The following ADARB2 variants were observed in gnomAD, a reference collection of about 807,000 sequenced individuals.
ADARB2 encodes adenosine deaminase RNA specific B2 (inactive), also known as inactive double-stranded RNA-specific editase B2.
Under a neutral mutation model 62.2 loss-of-function variants are expected in ADARB2, and 25 were observed. The ratio of observed to expected loss-of-function variants is 0.40; its 90% CI spans 0.29 to 0.56. The LOEUF is 0.56. ADARB2 is among the 20% of genes least tolerant of loss of function. The pLI, the probability that ADARB2 is intolerant of heterozygous loss-of-function variation, is 0.43. For synonymous variants in ADARB2, 572 were observed against 500.8 expected (o/e 1.14, Z -1.90); for missense variants, 1,071 against 1,077.4 (o/e 0.99, Z 0.08).
intron 1 of ADARB2, among the ~76,000 whole-genome samples, chr10:1,418,196 T>C (rs1564284507): frequency 6.6e-6 from 1 of 152,296 alleles, no homozygotes; most frequent in East Asian, 1.9e-4. Flanking sequence ...TTTGTTAAAG[T>C]GTCCACAGAA....
intron 1 of ADARB2, among the ~76,000 whole-genome samples, chr10:1,581,959 C>T (rs1487801691): frequency 1.3e-5 from 2 of 152,090 alleles, no homozygotes; most frequent in South Asian, 2.1e-4. Context: ...ACCATCTCCT[C>T]CCCCAGAGGC....
rs377124298 is a variant in ADARB2, at chr10:1,647,571, G to A, written c.100+89480C>T. On this transcript the variant is annotated intron_variant, in intron 1 of 9. Transcript: ENST00000381312. ...TACATGTGTATATATATATCTGCAT[G>A]TATGTGTGTGTATAGTGTGTGTATA... is the stretch of plus-strand genomic sequence containing the variant. Among the ~76,000 whole-genome samples the A allele has an allele frequency of 5.3e-5, 8 of 152,028 alleles. No homozygotes were observed. The East Asian group carries it at 9.6e-4, about 18-fold the overall frequency.
rs111803540 is a variant in ADARB2 at position 1,246,617 on chromosome 10, T to C, written c.1193-4318A>G. ...GGAATCCTTTCCCCATTGCTTGTTTTTCTCAGGTTTGTCAAAGATCAGATA... is the reference window on the plus strand; with the variant it reads ...GGAATCCTTTCCCCATTGCTTGTTTCTCTCAGGTTTGTCAAAGATCAGATA... On this transcript the variant is annotated intron_variant, in intron 4 of 9. Coordinates refer to ENST00000381312, the MANE Select transcript of ADARB2 (RefSeq NM_018702.4). Among the ~76,000 whole-genome samples the C allele has an allele frequency of 6.3e-3, 546 of 86,848 alleles. 5 individuals carry two copies. Among genetic ancestry groups the C allele is most frequent in the Middle Eastern group, 0.017 (3 of 178 alleles). The allele number at this position is 86,848 out of a possible 152,430, so 57.0% of individuals were successfully genotyped here.
chr10:1,277,536 C>A (rs1371685484), intron 3 of ADARB2, among the ~76,000 whole-genome samples: 3 of 152,186 alleles, frequency 2.0e-5, no homozygotes, highest in Non-Finnish European at 4.4e-5. Flanking sequence ...CACATACACC[C>A]TCCCAAGACT....
intron 4 of ADARB2, among the ~76,000 whole-genome samples, chr10:1,267,005 TG>T (rs1293386948): frequency 3.7e-4 from 56 of 151,496 alleles, no homozygotes; most frequent in African/African-American, 1.3e-3. Context: ...ATTAATAGAG[TG>T]TTGCAAATTT....
chr10:1,304,400 A>G (rs1831606048), intron 3 of ADARB2, among the ~76,000 whole-genome samples: 1 of 150,464 alleles, frequency 6.6e-6, no homozygotes, highest in Non-Finnish European at 1.5e-5. Flanking sequence ...CTACAAAGAG[A>G]CTTAGACTCC....
chr10:1,660,051 A>G (rs1392825282), intron 1 of ADARB2, among the ~76,000 whole-genome samples: 7 of 151,256 alleles, frequency 4.6e-5, no homozygotes, highest in Non-Finnish European at 8.8e-5. Context: ...CTCTTCCTCC[A>G]TTGCCTGCCC....
chr10:1,692,408 T>C lies in ADARB2; in HGVS notation c.100+44643A>G, dbSNP rs564630934. 1.1e-4 allele frequency among the ~76,000 whole-genome samples: 17 copies of C among 152,130 alleles called. No individual in the cohort carries two copies. The South Asian group carries it at 3.5e-3, about 32-fold the overall frequency. ...TCACCGGGAGCCTGAGTCCATGGAG[T>C]CATCTGTTCTTGGGCCACTTTTAGA... On this transcript the variant is annotated intron_variant, in intron 1 of 9. Transcript: ENST00000381312.
At chr10:1,517,046 G>A (rs573168523) in intron 1 of ADARB2, among the ~76,000 whole-genome samples, 2 of 152,164 alleles carry the variant, frequency 1.3e-5, no homozygotes, top group East Asian at 1.9e-4. Flanking sequence ...TGATCCCAGC[G>A]GTCGTGGCGT....
At chr10:1,247,095 A>G (rs971247832) in intron 4 of ADARB2, among the ~76,000 whole-genome samples, 6 of 152,166 alleles carry the variant, frequency 3.9e-5, no homozygotes, top group Admixed American at 6.5e-5. Context: ...CTTTGAAGCA[A>G]TTGTGAAAGG....
At chr10:1,719,378 G>C (rs1457593295) in intron 1 of ADARB2, among the ~76,000 whole-genome samples, 1 of 152,190 alleles carries the variant, frequency 6.6e-6, no homozygotes, top group South Asian at 2.1e-4. Context: ...CTCATGAAGT[G>C]CAACATTTCA....
intron 2 of ADARB2, among the ~76,000 whole-genome samples, chr10:1,374,525 G>A (rs1015955016): frequency 1.3e-5 from 2 of 152,208 alleles, no homozygotes; most frequent in South Asian, 4.1e-4. Flanking sequence ...AAGCTGTTCC[G>A]GTTGTGCAAA....
intron 4 of ADARB2, among the ~76,000 whole-genome samples, chr10:1,256,528 T>C (rs1253515480): frequency 1.3e-5 from 2 of 152,142 alleles, no homozygotes; most frequent in Non-Finnish European, 2.9e-5. Flanking sequence ...ATCAGCTATC[T>C]CACTTCCTGC....
intron 1 of ADARB2, among the ~76,000 whole-genome samples, chr10:1,460,621 C>A (rs113165199): frequency 5.1e-5 from 2 of 39,260 alleles, no homozygotes; most frequent in South Asian, 1.2e-3. Context: ...AGTTTACCTG[C>A]GTAGCAAACC....
intron 1 of ADARB2, among the ~76,000 whole-genome samples, chr10:1,594,218 G>A (rs1363884141): frequency 6.6e-6 from 1 of 152,132 alleles, no homozygotes; most frequent in African/African-American, 2.4e-5. Flanking sequence ...TAAAATCCAG[G>A]AGGCAGAGGT....
chr10:1,217,063 C>G lies in ADARB2; in HGVS notation c.1570G>C (p.Glu524Gln). Residue 524 changes from glutamate (E) to glutamine (Q), a missense_variant, in exon 7 of 10, where the codon GAG (glutamate) becomes CAG (glutamine). Physicochemically the swap from Glu to Gln is conservative, Grantham distance 29. Transcript: ENST00000381312. ...KFRGHLRTKIESGEGTVPVRG... is the reference protein window; with the variant it reads ...KFRGHLRTKIQSGEGTVPVRG... ...ACGGGGACCGTCCCTTCCCCGGACTCGATCTTGGTGCGCAGGTGCCCGCGG... is the reference window on the plus strand; with the variant it reads ...ACGGGGACCGTCCCTTCCCCGGACTGGATCTTGGTGCGCAGGTGCCCGCGG... 1 of 1,609,754 alleles carries G rather than the reference C, an allele frequency of 6.2e-7. No homozygotes were observed. The highest frequency in any genetic ancestry group is 1.1e-5 in the South Asian group (1 of 90,074).
chr10:1,490,767 T>G (rs1000408427), intron 1 of ADARB2, among the ~76,000 whole-genome samples: 4 of 152,220 alleles, frequency 2.6e-5, no homozygotes, highest in Non-Finnish European at 4.4e-5. Flanking sequence ...CTATTGTTTT[T>G]TTAAATAAGC....
intron 3 of ADARB2, among the ~76,000 whole-genome samples, chr10:1,298,644 A>G (rs1435349636): frequency 1.3e-5 from 2 of 149,788 alleles, no homozygotes; most frequent in African/African-American, 4.9e-5. Flanking sequence ...GGGCTCAAGC[A>G]GGAGCTCCCC....
intron 1 of ADARB2, among the ~76,000 whole-genome samples, chr10:1,410,209 G>C (rs1832747465): frequency 1.3e-5 from 2 of 149,700 alleles, no homozygotes; most frequent in Non-Finnish European, 3.0e-5. Flanking sequence ...ATTCCCAGTG[G>C]TGCCGGGGCC....
Sources: gnomAD v4.1 joint callset for allele counts (sites outside exome capture counted in the v4.1 genomes callset) on GRCh38, gnomAD v4.1.1 for gene constraint, MANE v1.5 for transcripts, NCBI Gene and HGNC (gene_info 2026-07-23, HGNC 2026-07-21) for gene names.